NKAIN2: variants seen among roughly 807,000 people sequenced by gnomAD.
The protein encoded by NKAIN2 is sodium/potassium transporting ATPase interacting 2.
In NKAIN2, 14 loss-of-function variants were observed where a neutral mutation model predicts 32.6. The ratio of observed to expected loss-of-function variants is 0.43; its 90% CI spans 0.28 to 0.67. The LOEUF (loss-of-function observed/expected upper bound fraction) is 0.67, where lower values mean the gene tolerates loss of function less well. NKAIN2 is among the 30% of genes least tolerant of loss of function. The pLI, the probability that NKAIN2 is intolerant of heterozygous loss-of-function variation, is 0.17. For missense variants in NKAIN2, 198 were observed against 258.3 expected, an observed-to-expected ratio of 0.77 and a Z score of 1.60; for synonymous variants, 80 against 87.2, an observed-to-expected ratio of 0.92 and a Z score of 0.46.
At chr6:123,947,025 T>C (rs1235708225) in intron 1 of NKAIN2, among the ~76,000 whole-genome samples, 1 of 152,214 alleles carries the variant, frequency 6.6e-6, no homozygotes, top group Non-Finnish European at 1.5e-5. Context: ...AGCTCTTGTA[T>C]GTCTGACTTC....
chr6:124,702,176 G>T (rs147792023), intron 4 of NKAIN2, among the ~76,000 whole-genome samples: 64 of 151,998 alleles, frequency 4.2e-4, no homozygotes, highest in African/African-American at 1.5e-3. Context: ...TCAAAACCAG[G>T]CATGGGAAGC....
At chr6:123,875,552 C>T (rs914085467) in intron 1 of NKAIN2, among the ~76,000 whole-genome samples, 1 of 151,824 alleles carries the variant, frequency 6.6e-6, no homozygotes, top group Non-Finnish European at 1.5e-5. Context: ...AGGTAGGTAT[C>T]GTACTCATAT....
intron 1 of NKAIN2, among the ~76,000 whole-genome samples, chr6:123,838,643 A>G (rs796978271): frequency 1.2e-4 from 19 of 152,320 alleles, no homozygotes; most frequent in African/African-American, 4.3e-4. Flanking sequence ...GCTTCAGGCA[A>G]AAGAGTCTAT....
chr6:124,084,783 A>C (rs115873958), intron 1 of NKAIN2, among the ~76,000 whole-genome samples: 4,435 of 152,098 alleles, frequency 0.029, 198 homozygotes, highest in African/African-American at 0.098. Context: ...CTTTTTGGGT[A>C]AAGATGAAAG....
intron 1 of NKAIN2, among the ~76,000 whole-genome samples, chr6:123,970,110 G>GATATATATATATAT (rs71541239): frequency 2.6e-4 from 39 of 149,278 alleles, no homozygotes; most frequent in African/African-American, 9.1e-4. Flanking sequence ...TTATTAAATG[G>GATATATATATATAT]ATATATATAT....
Position 124,443,077 on chromosome 6 carries a change from C to G in NKAIN2, c.273+87730C>G, listed in dbSNP as rs539623129. 2.6e-5 allele frequency among the ~76,000 whole-genome samples: 4 copies of G among 152,190 alleles called. No homozygotes were observed. In the East Asian group the frequency reaches 7.7e-4, roughly 29 times the overall value. ...TATTGTTTGCTTTTCTTGGTAATGA[C>G]AGTTGCAAGATGCAATAATTTGCTT... On this transcript the variant is annotated intron_variant, in intron 3 of 6. Transcript: ENST00000368417.
At chr6:124,493,232 T>G (rs1777934274) in intron 3 of NKAIN2, among the ~76,000 whole-genome samples, 6 of 152,056 alleles carry the variant, frequency 3.9e-5, no homozygotes, top group Admixed American at 3.3e-4. Context: ...TCAGAAATAC[T>G]TGAAAACATA....
At chr6:123,977,654 C>T (rs890683065) in intron 1 of NKAIN2, among the ~76,000 whole-genome samples, 1 of 152,154 alleles carries the variant, frequency 6.6e-6, no homozygotes, top group African/African-American at 2.4e-5. Context: ...AGTTAATTTA[C>T]TGAATGCCAG....
intron 2 of NKAIN2, among the ~76,000 whole-genome samples, chr6:124,314,440 G>A (rs1161531596): frequency 6.6e-6 from 1 of 152,110 alleles, no homozygotes; most frequent in Non-Finnish European, 1.5e-5. Context: ...GAGGTGCAGA[G>A]GGCTTATTTG....
At chr6:123,871,890 A>G (rs934805621) in intron 1 of NKAIN2, among the ~76,000 whole-genome samples, 2 of 152,202 alleles carry the variant, frequency 1.3e-5, no homozygotes, top group Non-Finnish European at 2.9e-5. Context: ...TCCCCGATTG[A>G]ATTTCCTTAT....
At chr6:124,108,386 C>T (rs546461740) in intron 1 of NKAIN2, among the ~76,000 whole-genome samples, 7 of 151,912 alleles carry the variant, frequency 4.6e-5, no homozygotes, top group Admixed American at 1.3e-4. Flanking sequence ...AGAGGTGTGG[C>T]TATTTATTTG....
intron 4 of NKAIN2, among the ~76,000 whole-genome samples, chr6:124,698,171 T>A (rs1774593643): frequency 6.6e-6 from 1 of 152,196 alleles, no homozygotes; most frequent in African/African-American, 2.4e-5. Flanking sequence ...AAGAGAAAGA[T>A]GCATCCTGGT....
At chr6:124,532,123 T>G (rs906134940) in intron 3 of NKAIN2, among the ~76,000 whole-genome samples, 1 of 152,124 alleles carries the variant, frequency 6.6e-6, no homozygotes, top group Admixed American at 6.5e-5. Context: ...CCAGGGAGAA[T>G]GTACAGATCT....
intron 4 of NKAIN2, among the ~76,000 whole-genome samples, chr6:124,685,156 GT>G (rs1773805695): frequency 6.6e-6 from 1 of 152,134 alleles, no homozygotes; most frequent in Admixed American, 6.6e-5. Flanking sequence ...GACAAATTCA[GT>G]AAGTAGGAAT....
At chr6:124,566,221 A>G (rs1399414441) in intron 3 of NKAIN2, among the ~76,000 whole-genome samples, 1 of 152,214 alleles carries the variant, frequency 6.6e-6, no homozygotes, top group African/African-American at 2.4e-5. Flanking sequence ...GCGTTTTCTT[A>G]TCTTTCTTTT....
intron 2 of NKAIN2, among the ~76,000 whole-genome samples, chr6:124,290,805 C>T (rs1057261888): frequency 1.3e-5 from 2 of 151,604 alleles, no homozygotes; most frequent in African/African-American, 4.8e-5. Context: ...TTCTTGAAAT[C>T]CACTGCTTTA....
chr6:124,674,092 A>T (rs1773240733), intron 4 of NKAIN2, among the ~76,000 whole-genome samples: 1 of 151,968 alleles, frequency 6.6e-6, no homozygotes, highest in African/African-American at 2.4e-5. Flanking sequence ...ACTTAACATC[A>T]TTTGTTGTGA....
At chr6:124,036,312 T>A (rs2114798456) in intron 1 of NKAIN2, among the ~76,000 whole-genome samples, 1 of 152,262 alleles carries the variant, frequency 6.6e-6, no homozygotes, top group East Asian at 1.9e-4. Context: ...ACACAAATAT[T>A]TTCCTTTGTT....
At chr6:123,977,021 G>A (rs1016400704) in intron 1 of NKAIN2, among the ~76,000 whole-genome samples, 13 of 152,102 alleles carry the variant, frequency 8.5e-5, no homozygotes, top group Non-Finnish European at 1.6e-4. Context: ...TTAATAGTCC[G>A]CTTATTGCCT....
Sources: allele counts gnomAD v4.1 joint callset (sites outside exome capture counted in the v4.1 genomes callset), GRCh38; gene constraint gnomAD v4.1.1; transcripts MANE v1.5; gene names NCBI Gene and HGNC (gene_info 2026-07-23, HGNC 2026-07-21).